The following ATXN1 variants were observed in gnomAD, a reference collection of about 807,000 sequenced individuals.
ATXN1 encodes ataxin 1.
A neutral mutation model predicts 56.4 loss-of-function variants in ATXN1; 8 were observed. The observed-to-expected ratio is 0.14, with a 90% CI of 0.08 to 0.26. The LOEUF (loss-of-function observed/expected upper bound fraction) is 0.26. Ranked by LOEUF, ATXN1 falls within the 10% of genes least tolerant of loss-of-function variation. The pLI is 1.00. For missense variants in ATXN1, 987 were observed against 1,106.5 expected, an observed-to-expected ratio of 0.89 and a Z score of 1.53; for synonymous variants, 514 against 494.6, an observed-to-expected ratio of 1.04 and a Z score of -0.52.
chr6:16,589,351 C>T (rs1042797057), intron 3 of ATXN1, among the ~76,000 whole-genome samples: 1 of 151,732 alleles, frequency 6.6e-6, no homozygotes, highest in Non-Finnish European at 1.5e-5. Context: ...AGCAGCGTGG[C>T]ACATAAATTA....
Position 16,443,208 on chromosome 6 carries a change from C to CAA in ATXN1, c.-161+42762_-161+42763dup, listed in dbSNP as rs70999325. Among the ~76,000 whole-genome samples the CAA allele has an allele frequency of 7.4e-3, 300 of 40,704 alleles. 2 individuals are homozygous for CAA. The highest frequency in any genetic ancestry group is 0.017 in the East Asian group (18 of 1,058). The allele number at this position is 40,704 out of a possible 152,430, so 26.7% of individuals were successfully genotyped here. A position where few individuals can be genotyped will look rare whatever the true frequency, so the allele number is the denominator to read the frequency against. On this transcript the variant is annotated intron_variant, in intron 6 of 7. Coordinates refer to ENST00000436367, the MANE Select transcript of ATXN1 (RefSeq NM_001128164.2). ...AAATAAATAAATAAATCTATTGGAG[C>CAA]AAAAAAAAAAAAAAAAAAAAAAAAA...
intron 6 of ATXN1, among the ~76,000 whole-genome samples, chr6:16,381,351 C>CA (rs1758109357): frequency 6.6e-6 from 1 of 152,104 alleles, no homozygotes; most frequent in Non-Finnish European, 1.5e-5. Context: ...ACTGGAGTGA[C>CA]AGAGCCACAT....
chr6:16,453,359 G>A (rs1437521237), intron 6 of ATXN1, among the ~76,000 whole-genome samples: 3 of 152,150 alleles, frequency 2.0e-5, no homozygotes. Flanking sequence ...TACTCAGGAG[G>A]CTGAGGCAGG....
chr6:16,360,672 A>G (rs1761790201), intron 6 of ATXN1, among the ~76,000 whole-genome samples: 1 of 152,226 alleles, frequency 6.6e-6, no homozygotes. Context: ...AAAGTCCTTT[A>G]GCCAATCTTA....
At chr6:16,316,863 G>GTTTTTTTTTTTTTT (rs1561847571) in intron 7 of ATXN1, among the ~76,000 whole-genome samples, 1 of 84,236 alleles carries the variant, frequency 1.2e-5, no homozygotes. Flanking sequence ...GAGACTGCCT[G>GTTTTTTTTTTTTTT]TCTTTTTTTT....
intron 1 of ATXN1, among the ~76,000 whole-genome samples, chr6:16,756,497 T>G (rs1274627917): frequency 6.6e-6 from 1 of 152,216 alleles, no homozygotes; most frequent in Non-Finnish European, 1.5e-5. Flanking sequence ...AATGCTTTTA[T>G]CAAAATAAGG....
intron 7 of ATXN1, among the ~76,000 whole-genome samples, chr6:16,307,628 C>T (rs181913942): frequency 2.0e-3 from 299 of 150,300 alleles, no homozygotes; most frequent in South Asian, 6.3e-3. Context: ...GAGCCGAGAT[C>T]GTGCCACTGG....
chr6:16,711,176 A>G (rs1759514594), intron 2 of ATXN1, among the ~76,000 whole-genome samples: 1 of 152,252 alleles, frequency 6.6e-6, no homozygotes, highest in South Asian at 2.1e-4. Flanking sequence ...GCAATTTCAT[A>G]AGGAAAAAAA....
intron 6 of ATXN1, among the ~76,000 whole-genome samples, chr6:16,391,672 A>G (rs1364318951): frequency 6.6e-6 from 1 of 152,180 alleles, no homozygotes; most frequent in African/African-American, 2.4e-5. Context: ...AGTTTTCAGG[A>G]AGAATGCTGG....
intron 4 of ATXN1, among the ~76,000 whole-genome samples, chr6:16,535,199 G>A (rs1233999959): frequency 6.6e-6 from 1 of 152,184 alleles, no homozygotes; most frequent in Non-Finnish European, 1.5e-5. Flanking sequence ...AAGGAAGAGG[G>A]GGAGCTAATA....
intron 3 of ATXN1, among the ~76,000 whole-genome samples, chr6:16,619,109 C>T (rs1281152441): frequency 6.6e-5 from 10 of 151,734 alleles, no homozygotes; most frequent in Non-Finnish European, 1.5e-4. Context: ...ATCAAATTGG[C>T]AGAGTTTTTG....
intron 1 of ATXN1, among the ~76,000 whole-genome samples, chr6:16,755,556 G>A (rs1290384490): frequency 6.6e-6 from 1 of 151,924 alleles, no homozygotes; most frequent in Non-Finnish European, 1.5e-5. Flanking sequence ...CAAAATTAAG[G>A]GCACAAGAAA....
intron 6 of ATXN1, among the ~76,000 whole-genome samples, chr6:16,428,312 T>A (rs1168525570): frequency 6.6e-6 from 1 of 151,684 alleles, no homozygotes; most frequent in Non-Finnish European, 1.5e-5. Context: ...TGCGACGGGG[T>A]TTCACCATGT....
In ATXN1 at chr6:16,375,727, C is replaced by T. The variant is rs192170390; in HGVS notation, c.-160-47257G>A. Among the ~76,000 whole-genome samples, 37 of 152,074 alleles carry T rather than the reference C, an allele frequency of 2.4e-4. No individual in the cohort carries two copies. In the East Asian group the frequency reaches 6.8e-3, roughly 28 times the overall value. The stretch of plus-strand genomic sequence containing the variant: ...TACTAATTTAAGAGTTCTTTCAAAC[C>T]CAAATTTAGCTCTGTGTGCCCACCT... On this transcript the variant is annotated intron_variant, in intron 6 of 7. Coordinates refer to ENST00000436367, the MANE Select transcript of ATXN1 (RefSeq NM_001128164.2).
At chr6:16,579,486 CCCCCCCA>C (rs201395395) in intron 4 of ATXN1, among the ~76,000 whole-genome samples, 17,582 of 58,310 alleles carry the variant, frequency 0.3, 5,591 homozygotes, top group African/African-American at 0.46. Flanking sequence ...CAAAGCCCCC[CCCCCCCA>C]CCCGCCGATT....
chr6:16,625,070 C>T, intron 3 of ATXN1, among the ~76,000 whole-genome samples: 1 of 152,162 alleles, frequency 6.6e-6, no homozygotes, highest in Non-Finnish European at 1.5e-5. Flanking sequence ...GAAAAACAGC[C>T]AAGCCTCTTT....
intron 3 of ATXN1, among the ~76,000 whole-genome samples, chr6:16,620,282 CA>C (rs1561782079): frequency 3.3e-5 from 5 of 151,796 alleles, no homozygotes; most frequent in African/African-American, 1.2e-4. Flanking sequence ...CACACACACA[CA>C]CACACACACA....
At chr6:16,355,165 C>T (rs1277450903) in intron 6 of ATXN1, among the ~76,000 whole-genome samples, 1 of 152,242 alleles carries the variant, frequency 6.6e-6, no homozygotes, top group African/African-American at 2.4e-5. Context: ...CCACAGCCAT[C>T]TTCCCTTGGA....
chr6:16,713,083 C>T (rs1759561069), intron 2 of ATXN1, among the ~76,000 whole-genome samples: 1 of 152,184 alleles, frequency 6.6e-6, no homozygotes, highest in African/African-American at 2.4e-5. Context: ...CTGAGTCATC[C>T]CTTCCAGTGA....
Sources: gnomAD v4.1 joint callset for allele counts (sites outside exome capture counted in the v4.1 genomes callset) on GRCh38, gnomAD v4.1.1 for gene constraint, MANE v1.5 for transcripts, NCBI Gene and HGNC (gene_info 2026-07-23, HGNC 2026-07-21) for gene names.